Variants in GZF1 observed in about 807,000 individuals in gnomAD.
GZF1 encodes the protein GDNF inducible zinc finger protein 1.
In GZF1, 28 loss-of-function variants were observed where a neutral mutation model predicts 49.4. That is an observed-to-expected ratio of 0.57 (90% CI 0.42 to 0.78). The LOEUF (loss-of-function observed/expected upper bound fraction) is 0.78. Among genes scored for constraint, GZF1 ranks in the 30% least tolerant of loss-of-function variants. The pLI is 0.00. For missense variants in GZF1, 798 were observed against 916.2 expected (o/e 0.87, Z 1.67); for synonymous variants, 364 against 356.0 (o/e 1.02, Z -0.25).
In GZF1 at chr20:23,365,028, C is replaced by G. The variant is rs1276569300; in HGVS notation, c.645C>G (p.Pro215=). ...AGAAGAAAGAGGTAGTTAAACCTCC[C>G]TACCCTAAAATCAGGAGAGCTAGTG... ...LDKKKEVVKP[P]YPKIRRASGR... The change falls in exon 2 of 6, where the codon CCC becomes CCG. Residue 215 remains proline (P), a synonymous_variant. Transcript: ENST00000338121. 1 of 1,614,160 alleles carries G rather than the reference C, an allele frequency of 6.2e-7. No homozygotes were observed. Among genetic ancestry groups the G allele is most frequent in the Non-Finnish European group, 8.5e-7 (1 of 1,180,022 alleles).
chr20:23,365,484 G>A lies in GZF1; in HGVS notation c.1101G>A (p.Gln367=), dbSNP rs777633743. 2 of 1,613,832 alleles carry A rather than the reference G, an allele frequency of 1.2e-6. No individual in the cohort carries two copies. Among genetic ancestry groups the A allele is most frequent in the South Asian group, 1.1e-5 (1 of 91,082 alleles). Residue 367 remains glutamine (Q), a synonymous_variant, in exon 2 of 6, where the codon CAG becomes CAA. Transcript: ENST00000338121. ...FANRCNLKSH[Q]RHVHSSERHF... Reference sequence around the variant, plus strand: ...ACCGCTGCAACCTGAAGAGCCACCAGCGCCACGTGCACAGCAGCGAGCGCC... The same window carrying A: ...ACCGCTGCAACCTGAAGAGCCACCAACGCCACGTGCACAGCAGCGAGCGCC...
chr20:23,364,346 T>C lies in GZF1; in HGVS notation c.-21-17T>C, dbSNP rs776605405. 1.4e-6 allele frequency: 2 copies of C among 1,462,166 alleles called. No individual in the cohort carries two copies. Among genetic ancestry groups the C allele is most frequent in the Admixed American group, 2.1e-5 (1 of 46,776 alleles). The allele number at this position is 1,462,166 out of a possible 1,614,324, so 90.6% of individuals were successfully genotyped here. A position where few individuals can be genotyped will look rare whatever the true frequency, so the allele number is the denominator to read the frequency against. ...ATCAGTGGTTGCTCATGCATAATTC[T>C]TGTTTCTTTTTCAAAGCTGTTTTTG... On this transcript the variant is annotated splice_polypyrimidine_tract_variant and intron_variant, in intron 1 of 5. Coordinates refer to ENST00000338121, the MANE Select transcript of GZF1 (RefSeq NM_022482.5).
At position 23,365,878 on chromosome 20, in the gene GZF1, C is replaced by G. The variant is rs6137910; in HGVS notation, c.1364+131C>G. 0.084 allele frequency: 113,684 copies of G among 1,358,620 alleles called. 5,942 individuals carry two copies. Among genetic ancestry groups the G allele is most frequent in the East Asian group, 0.27 (10,429 of 38,008 alleles). 84.2% of individuals were successfully genotyped at this position (1,358,620 alleles called of 1,614,324 possible). On this transcript the variant is annotated intron_variant, in intron 2 of 5. Transcript: ENST00000338121. ...AACCTGGGGGCTTATTTCGAGACAG[C>G]GTTTAGTTCTCTGTCAAGGTACAGG...
chr20:23,364,415 A>G lies in GZF1; in HGVS notation c.32A>G (p.Lys11Arg). The change falls in exon 2 of 6, where the codon AAA becomes AGA. Residue 11 changes from lysine (K) to arginine (R), a missense_variant. By Grantham distance (26) the Lys-to-Arg change is conservative. Around this residue, in one of 3 missense-constraint regions of GZF1, gnomAD observed 105 missense variants for 147.5 expected, o/e 0.71. Transcript: ENST00000338121. MESGAVLLESKSSPFNLLHEM... is the reference protein window; with the variant it reads MESGAVLLESRSSPFNLLHEM... ...AGCGGTGCAGTTCTGCTGGAATCCAAATCCTCCCCATTTAACCTACTGCAT... is the reference window on the plus strand; with the variant it reads ...AGCGGTGCAGTTCTGCTGGAATCCAGATCCTCCCCATTTAACCTACTGCAT... 3 of 1,602,794 alleles carry G rather than the reference A, an allele frequency of 1.9e-6. No homozygotes were observed. The highest frequency in any genetic ancestry group is 3.4e-5 in the Admixed American group (2 of 58,570).
At position 23,371,891 on chromosome 20, in the gene GZF1, C is replaced by A. The variant is rs376303675; in HGVS notation, c.*1450C>A. On this transcript the variant is annotated 3_prime_UTR_variant, in exon 6 of 6. Transcript: ENST00000338121. ...CCAGAAATTAATGAGGGAAGACTTT[C>A]TTCCTAAGTGCTTATGTTTTAACTT... 8 of 152,370 alleles carry A rather than the reference C, an allele frequency of 5.3e-5. No individual in the cohort carries two copies. The South Asian group carries it at 6.2e-4, about 12-fold the overall frequency. The allele number at this position is 152,370 out of a possible 1,614,324, so 9.4% of individuals were successfully genotyped here.
rs370593367 is a variant in GZF1 at position 23,365,480 on chromosome 20, A to T, written c.1097A>T (p.His366Leu). ...TFANRCNLKS[H>L]QRHVHSSERH... ...GCCAACCGCTGCAACCTGAAGAGCC[A>T]CCAGCGCCACGTGCACAGCAGCGAG... Residue 366 changes from histidine (H) to leucine (L), a missense_variant, in exon 2 of 6, where the codon CAC (histidine) becomes CTC (leucine). Physicochemically the swap from His to Leu is moderately conservative, Grantham distance 99 (BLOSUM62 -3). Transcript: ENST00000338121. 5 of 1,613,742 alleles carry T rather than the reference A, an allele frequency of 3.1e-6. No homozygotes were observed. Among genetic ancestry groups the T allele is most frequent in the Non-Finnish European group, 4.2e-6 (5 of 1,180,016 alleles).
intron 1 of GZF1, among the ~76,000 whole-genome samples, 151 bp from the exon 2 acceptor site, chr20:23,364,212 C>A (rs1169158113): frequency 3.3e-5 from 5 of 152,230 alleles, no homozygotes; most frequent in African/African-American, 9.6e-5. Context: ...TAGAAAACTG[C>A]TAAGAAGTAA....
At position 23,364,903 on chromosome 20, in the gene GZF1, C is replaced by A; in HGVS notation, c.520C>A (p.Pro174Thr). ...AAGTGTGGCCACCGATGGCCCTCAC[C>A]CCAGTGGTCTCACGGATTCCTTGGA... is the stretch of plus-strand genomic sequence containing the variant. Reference protein sequence around the residue: ...RASVATDGPHPSGLTDSLDYP... With the variant: ...RASVATDGPHTSGLTDSLDYP... The change falls in exon 2 of 6, where the codon CCC (proline) becomes ACC (threonine). Residue 174 changes from proline (P) to threonine (T), a missense_variant. Physicochemically the swap from Pro to Thr is conservative, Grantham distance 38 (BLOSUM62 -1). Coordinates refer to ENST00000338121, the MANE Select transcript of GZF1 (RefSeq NM_022482.5). 3 of 1,614,212 alleles carry A rather than the reference C, an allele frequency of 1.9e-6. No individual in the cohort carries two copies. Among genetic ancestry groups the A allele is most frequent in the Non-Finnish European group, 2.5e-6 (3 of 1,180,042 alleles).
rs1981123589 is a variant in GZF1, at chr20:23,364,904, C to G, written c.521C>G (p.Pro174Arg). Residue 174 changes from proline to arginine, a missense_variant, in exon 2 of 6, where the codon CCC becomes CGC. Transcript: ENST00000338121. ...AGTGTGGCCACCGATGGCCCTCACC[C>G]CAGTGGTCTCACGGATTCCTTGGAC... Reference protein sequence around the residue: ...RASVATDGPHPSGLTDSLDYP... With the variant: ...RASVATDGPHRSGLTDSLDYP... 1 of 1,614,078 alleles carries G rather than the reference C, an allele frequency of 6.2e-7. No homozygotes were observed. The highest frequency in any genetic ancestry group is 1.7e-5 in the Admixed American group (1 of 60,012).
intron 5 of GZF1, 56 bp downstream of exon 5, chr20:23,369,797 AAG>A (rs1379059082): frequency 1.2e-5 from 19 of 1,542,430 alleles, no homozygotes; most frequent in Non-Finnish European, 1.5e-5. Context: ...GATGCACGGA[AAG>A]AGAAATACCT....
chr20:23,365,610 C>T lies in GZF1; in HGVS notation c.1227C>T (p.Cys409=), dbSNP rs529890896. ...VHEGGGERHR[C]GQCGKGLSSK... is the part of the protein sequence containing the mutation. ...AGGGCGGCGGCGAGCGGCACCGCTG[C>T]GGCCAGTGCGGCAAGGGCCTGAGTT... The change falls in exon 2 of 6, where the codon TGC becomes TGT. Residue 409 remains cysteine (C), a synonymous_variant. Coordinates refer to ENST00000338121, the MANE Select transcript of GZF1 (RefSeq NM_022482.5). 1.1e-4 allele frequency: 180 copies of T among 1,606,514 alleles called. 1 individual carries two copies. The South Asian group carries it at 1.9e-3, about 17-fold the overall frequency.
In GZF1 at chr20:23,365,398, C is replaced by T. The variant is rs1600532199; in HGVS notation, c.1015C>T (p.Arg339Cys). The stretch of plus-strand genomic sequence containing the variant: ...GAGCTTCCTGAAGCACAGCAAGCAC[C>T]GCCACGGCGTGGCCACCGAGGTGGT... ...EKSFLKHSKH[R>C]HGVATEVVYR... Residue 339 changes from arginine to cysteine, a missense_variant, in exon 2 of 6, where the codon CGC becomes TGC. Transcript: ENST00000338121. The T allele has an allele frequency of 6.2e-7, 1 of 1,613,794 alleles. No homozygotes were observed. The highest frequency in any genetic ancestry group is 8.5e-7 in the Non-Finnish European group (1 of 1,179,976).
At chr20:23,363,955 T>C (rs1404227555) in intron 1 of GZF1, among the ~76,000 whole-genome samples, 1 of 152,234 alleles carries the variant, frequency 6.6e-6, no homozygotes. Flanking sequence ...CAGATGGTGG[T>C]GGCTATGTGT....
chr20:23,369,157 G>A (rs1353229974), intron 4 of GZF1, among the ~76,000 whole-genome samples: 1 of 152,230 alleles, frequency 6.6e-6, no homozygotes, highest in Non-Finnish European at 1.5e-5. Flanking sequence ...TTTGCTACAT[G>A]GAGTTTTTAC....
chr20:23,366,239 TTTC>T (rs1281441663), intron 2 of GZF1, among the ~76,000 whole-genome samples: 2 of 152,178 alleles, frequency 1.3e-5, no homozygotes, highest in Non-Finnish European at 2.9e-5. Flanking sequence ...GTGCTTTCTG[TTTC>T]TTAATATGTT....
intron 5 of GZF1, 69 bp from the exon 6 acceptor site, chr20:23,370,022 C>G (rs1352982306): frequency 7.6e-7 from 1 of 1,315,586 alleles, no homozygotes; most frequent in Non-Finnish European, 1.1e-6. Context: ...TGTAGAGGGA[C>G]TATTGTTTTA....
chr20:23,363,874 C>T (rs6137907), intron 1 of GZF1, among the ~76,000 whole-genome samples: 11,557 of 152,260 alleles, frequency 0.076, 670 homozygotes, highest in East Asian at 0.3. Flanking sequence ...AAGTTTTCCT[C>T]ATGGAAAGTA....
chr20:23,369,988 T>G, intron 5 of GZF1, 103 bp from the exon 6 acceptor site: 2 of 1,043,170 alleles, frequency 1.9e-6, no homozygotes, highest in Non-Finnish European at 1.4e-6. Context: ...CGGGTACTTA[T>G]TAGTGAAAGT....
chr20:23,370,400 TC>T lies in GZF1; in HGVS notation c.2096del (p.Ser699Ter). 6.2e-7 allele frequency: 1 copy of T among 1,613,830 alleles called. No individual in the cohort carries two copies. Among genetic ancestry groups the T allele is most frequent in the East Asian group, 2.2e-5 (1 of 44,862 alleles). Reference protein sequence around the residue: ...ELSELTPQTDSMPTQLHSLSN... With the variant: ...ELSELTPQTDXMPTQLHSLSN... ...TAGCGAGCTGACCCCACAGACAGAC[TC>T]GATGCCCACACAGCTTCACTCTTTG... On this transcript the variant is annotated frameshift_variant, in exon 6 of 6. Transcript: ENST00000338121. LOFTEE classifies it high-confidence loss of function.
Sources: allele counts gnomAD v4.1 joint callset (sites outside exome capture counted in the v4.1 genomes callset), GRCh38; gene constraint gnomAD v4.1.1; regional missense constraint gnomAD v4.1.1; transcripts MANE v1.5; gene names NCBI Gene and HGNC (gene_info 2026-07-23, HGNC 2026-07-21).